The following KIF1B variants were observed in gnomAD, a reference collection of about 807,000 sequenced individuals.
KIF1B encodes kinesin-like protein KIF1B.
In KIF1B, 76 loss-of-function variants were observed where a neutral mutation model predicts 241.9. The observed-to-expected ratio is 0.31, with a 90% confidence interval of 0.26 to 0.38. The LOEUF (loss-of-function observed/expected upper bound fraction) is 0.38. Among genes scored for constraint, KIF1B ranks in the 10% least tolerant of loss-of-function variants. The probability of loss-of-function intolerance (pLI) is 1.00; values close to 1 mark genes in which losing one functional copy is unlikely to be tolerated. For missense variants in KIF1B, 1,622 were observed against 2,271.4 expected (o/e 0.71, Z 5.81); for synonymous variants, 750 against 796.7 (o/e 0.94, Z 0.99).
At chr1:10,306,756 TTA>T in intron 22 of KIF1B, 2 of 525,640 alleles carry the variant, frequency 3.8e-6, no homozygotes, top group Non-Finnish European at 4.6e-6. Context: ...GAACCTGTCT[TTA>T]AAAAAAAAAA....
chr1:10,225,729 CT>C (rs1646900856), intron 1 of KIF1B, among the ~76,000 whole-genome samples: 1 of 152,114 alleles, frequency 6.6e-6, no homozygotes. Flanking sequence ...TGGAAGTCCT[CT>C]GGTGGGTGGT....
intron 38 of KIF1B, 140 bp from the exon 39 acceptor site, chr1:10,360,789 T>C: frequency 2.8e-6 from 2 of 716,460 alleles, no homozygotes; most frequent in Non-Finnish European, 5.1e-6. Context: ...TAAGGGTTCC[T>C]CTCTGTTATT....
intron 37 of KIF1B, among the ~76,000 whole-genome samples, chr1:10,349,512 G>A (rs1200322375): frequency 1.3e-5 from 2 of 152,082 alleles, no homozygotes; most frequent in African/African-American, 2.4e-5. Flanking sequence ...TATATGTGCA[G>A]AATGCTTTGA....
At chr1:10,268,716 C>T (rs572384761) in intron 7 of KIF1B, among the ~76,000 whole-genome samples, 12 of 150,842 alleles carry the variant, frequency 8.0e-5, no homozygotes, top group African/African-American at 2.7e-4. Context: ...AATAACTCCA[C>T]AACAGTTCTG....
chr1:10,284,278 G>A (rs1266852458), intron 15 of KIF1B, among the ~76,000 whole-genome samples: 1 of 152,156 alleles, frequency 6.6e-6, no homozygotes, highest in Non-Finnish European at 1.5e-5. Context: ...GGCCGGGCAC[G>A]GTAGCTCACA....
chr1:10,301,111 G>A (rs768885904), intron 22 of KIF1B, among the ~76,000 whole-genome samples: 3 of 152,036 alleles, frequency 2.0e-5, no homozygotes, highest in Admixed American at 6.6e-5. Context: ...TCACTTGAGC[G>A]CAAGTGTTTG....
chr1:10,267,270 C>T (rs568824832), intron 5 of KIF1B, 110 bp from the exon 6 acceptor site: 62 of 842,856 alleles, frequency 7.4e-5, no homozygotes, highest in Non-Finnish European at 9.4e-5. Flanking sequence ...TCAAGTGATC[C>T]GCCCTCCTTG....
At chr1:10,213,250 G>A (rs950841466) in intron 1 of KIF1B, among the ~76,000 whole-genome samples, 1 of 152,080 alleles carries the variant, frequency 6.6e-6, no homozygotes, top group Non-Finnish European at 1.5e-5. Flanking sequence ...ATCTGATACA[G>A]AGGCTAGGTT....
In KIF1B at chr1:10,374,337, G is replaced by A; in HGVS notation, c.4968G>A (p.Arg1656=). 3 of 1,614,020 alleles carry A rather than the reference G, an allele frequency of 1.9e-6. No homozygotes were observed. The highest frequency in any genetic ancestry group is 2.5e-6 in the Non-Finnish European group (3 of 1,179,982). Residue 1656 remains arginine, a synonymous_variant, in exon 46 of 49, where the codon CGG becomes CGA. Coordinates refer to ENST00000676179, the MANE Select transcript of KIF1B (RefSeq NM_001365951.3). This position sits in a 1 kb window ranked among gnomAD's most constrained non-coding sequence, Gnocchi z 4.3. ...AAAGGACCCCAGAAGCCAATTCCCGGGCCTCTAGTCCCTGCCCAGAATTTG... is the reference window on the plus strand; with the variant it reads ...AAAGGACCCCAGAAGCCAATTCCCGAGCCTCTAGTCCCTGCCCAGAATTTG... ...LDQKTPEANS[R]ASSPCPEFEQ... is the part of the protein sequence containing the mutation.
chr1:10,380,404 A>C lies in KIF1B; in HGVS notation c.*3817A>C, dbSNP rs1569943630. 1 of 192,756 alleles carries C rather than the reference A, an allele frequency of 5.2e-6. No individual in the cohort carries two copies. 11.9% of individuals were successfully genotyped at this position (192,756 alleles called of 1,614,324 possible). On this transcript the variant is annotated 3_prime_UTR_variant, in exon 49 of 49. Coordinates refer to ENST00000676179, the MANE Select transcript of KIF1B (RefSeq NM_001365951.3). ...TTCCCTTTTAAAAATGTGATTGTTA[A>C]CCTGCCTCTTGAAAGATTCAACCGG... is the stretch of plus-strand genomic sequence containing the variant.
intron 1 of KIF1B, among the ~76,000 whole-genome samples, chr1:10,218,350 T>C (rs939488145): frequency 6.6e-6 from 1 of 152,158 alleles, no homozygotes; most frequent in Non-Finnish European, 1.5e-5. Context: ...TGGGCTGGTT[T>C]CAGTCTTCTG....
chr1:10,352,217 TGA>T (rs1652820679), intron 37 of KIF1B, among the ~76,000 whole-genome samples: 1 of 129,896 alleles, frequency 7.7e-6, no homozygotes, highest in Non-Finnish European at 1.6e-5. Context: ...TGCTGTTAGG[TGA>T]GAGTGGAATG....
chr1:10,350,740 C>T (rs1244336479), intron 37 of KIF1B, among the ~76,000 whole-genome samples: 1 of 152,010 alleles, frequency 6.6e-6, no homozygotes, highest in Non-Finnish European at 1.5e-5. Flanking sequence ...TTTTTTTCCC[C>T]ATCCAAGCTC....
chr1:10,282,255 T>C, intron 14 of KIF1B, 67 bp from the exon 15 acceptor site: 1 of 1,302,536 alleles, frequency 7.7e-7, no homozygotes, highest in Non-Finnish European at 1.1e-6. Context: ...CTTCCTGTCT[T>C]TTTTTCTTCC....
intron 2 of KIF1B, among the ~76,000 whole-genome samples, chr1:10,254,680 T>C (rs1419890196): frequency 6.6e-6 from 1 of 151,682 alleles, no homozygotes; most frequent in South Asian, 2.1e-4. Flanking sequence ...ATCAAGACCA[T>C]CCTGGCTAAC....
At chr1:10,245,535 A>T (rs573102232) in intron 2 of KIF1B, among the ~76,000 whole-genome samples, 29 of 152,364 alleles carry the variant, frequency 1.9e-4, no homozygotes, top group Non-Finnish European at 3.5e-4. Flanking sequence ...GACAAAAGGG[A>T]AAAGATACAA....
In KIF1B at chr1:10,297,073, A is replaced by G. The variant is rs1167180187; in HGVS notation, c.2038A>G (p.Lys680Glu). 6.2e-7 allele frequency: 1 copy of G among 1,613,888 alleles called. No individual in the cohort carries two copies. The highest frequency in any genetic ancestry group is 1.3e-5 in the African/African-American group (1 of 74,884). ...QGIDMKQEME[K>E]RLQEMEILYK... ...AATTGATATGAAACAAGAGATGGAG[A>G]AAAGGTAATGCACAGTTACGCAGCC... The change falls in exon 21 of 49, where the codon AAA becomes GAA. Residue 680 changes from lysine (K) to glutamate (E), a missense_variant. This residue lies in a region of KIF1B where 803 missense variants were observed against 1,112.0 expected (regional missense o/e 0.72). Coordinates refer to ENST00000676179, the MANE Select transcript of KIF1B (RefSeq NM_001365951.3).
chr1:10,261,873 C>G lies in KIF1B; in HGVS notation c.364-32C>G, dbSNP rs748932973. ...TGACTTAGTACTCCTCTCATTTGTG[C>G]TCTTCATGCCTCTCTCATTCTACTT... is the stretch of plus-strand genomic sequence containing the variant. On this transcript the variant is annotated intron_variant, in intron 4 of 48. Coordinates refer to ENST00000676179, the MANE Select transcript of KIF1B (RefSeq NM_001365951.3). The G allele has an allele frequency of 2.8e-6, 4 of 1,448,860 alleles. No homozygotes were observed. The East Asian group carries it at 9.1e-5, about 33-fold the overall frequency. 89.8% of individuals were successfully genotyped at this position (1,448,860 alleles called of 1,614,324 possible). A position where few individuals can be genotyped will look rare whatever the true frequency, so the allele number is the denominator to read the frequency against.
intron 27 of KIF1B, among the ~76,000 whole-genome samples, chr1:10,333,506 A>G (rs1406234136): frequency 6.6e-6 from 1 of 152,070 alleles, no homozygotes; most frequent in Admixed American, 6.5e-5. Context: ...CCTGGCTAAC[A>G]TGGTGAAACC....
Sources: gnomAD v4.1 joint callset for allele counts (sites outside exome capture counted in the v4.1 genomes callset) on GRCh38, gnomAD v4.1.1 for gene constraint, gnomAD v4.1.1 regional missense constraint, Gnocchi (gnomAD v3.1) non-coding constraint, MANE v1.5 for transcripts, NCBI Gene and HGNC (gene_info 2026-07-23, HGNC 2026-07-21) for gene names.